MPRIP: variants seen among roughly 807,000 people sequenced by gnomAD.
The protein encoded by MPRIP is myosin phosphatase Rho-interacting protein.
MPRIP carries 59 observed loss-of-function variants against 234.9 expected under a neutral mutation model. The observed-to-expected ratio is 0.25, with a 90% CI of 0.20 to 0.31. MPRIP has a LOEUF of 0.31. MPRIP is among the 10% of genes least tolerant of loss of function. MPRIP has a pLI of 1.00. For synonymous variants in MPRIP, 1,144 were observed against 1,263.9 expected, an observed-to-expected ratio of 0.91 and a Z score of 2.01; for missense variants, 2,436 against 3,071.0, an observed-to-expected ratio of 0.79 and a Z score of 4.89.
Position 17,166,479 on chromosome 17 carries a change from G to A in MPRIP, c.4888G>A (p.Glu1630Lys), listed in dbSNP as rs966897511. The A allele has an allele frequency of 1.5e-6, 2 of 1,304,212 alleles. No individual in the cohort carries two copies. The highest frequency in any genetic ancestry group is 1.5e-5 in the African/African-American group (1 of 65,882). 80.8% of individuals were successfully genotyped at this position (1,304,212 alleles called of 1,614,324 possible). Residue 1630 changes from glutamate (E) to lysine (K), a missense_variant, in exon 16 of 24, where the codon GAG (glutamate) becomes AAG (lysine). By Grantham distance (56) the Glu-to-Lys change is moderately conservative. Transcript: ENST00000651222. The surrounding 1 kb of genome is among the most constrained non-coding windows in gnomAD (Gnocchi z 4.4). ...GGATGGTGAGTTCTGGAGCCAGGTT[G>A]AGTCTCTGAGGAAGCACTTGGGGAC... is the stretch of plus-strand genomic sequence containing the variant. ...LVDGEFWSQV[E>K]SLRKHLGTLG...
chr17:17,103,441 G>A (rs1199629718), intron 3 of MPRIP, among the ~76,000 whole-genome samples: 1 of 152,222 alleles, frequency 6.6e-6, no homozygotes, highest in Non-Finnish European at 1.5e-5. Context: ...CTAATTGGAG[G>A]TCCTGGTGGA....
chr17:17,123,792 G>GT (rs536846062), intron 3 of MPRIP, among the ~76,000 whole-genome samples: 83 of 151,642 alleles, frequency 5.5e-4, no homozygotes, highest in Non-Finnish European at 9.7e-4. Context: ...AGAGCAGGAA[G>GT]TTTTTTTTCC....
At chr17:17,143,201 C>T (rs1193704660) in intron 8 of MPRIP, among the ~76,000 whole-genome samples, 2 of 152,352 alleles carry the variant, frequency 1.3e-5, no homozygotes, top group African/African-American at 2.4e-5. Context: ...CCTGGCTTCT[C>T]TCTTGTTCAC....
chr17:17,057,849 G>A (rs1481957936), intron 1 of MPRIP: 2 of 596,332 alleles, frequency 3.4e-6, no homozygotes, highest in Non-Finnish European at 6.0e-6. Context: ...AATACTTGCA[G>A]TAATATTTTT....
chr17:17,139,850 G>C (rs1264537597), intron 7 of MPRIP, among the ~76,000 whole-genome samples: 1 of 152,202 alleles, frequency 6.6e-6, no homozygotes. Flanking sequence ...CCCCTGCCTA[G>C]TGCCCCAGGG....
chr17:17,180,734 G>T, intron 23 of MPRIP: 2 of 1,471,848 alleles, frequency 1.4e-6, no homozygotes, highest in Non-Finnish European at 1.9e-6. Flanking sequence ...CCTGTGTCAT[G>T]GTTACTTTAT....
At chr17:17,170,560 C>A (rs2046110866) in intron 16 of MPRIP, among the ~76,000 whole-genome samples, 1 of 152,200 alleles carries the variant, frequency 6.6e-6, no homozygotes, top group Non-Finnish European at 1.5e-5. Flanking sequence ...AGAAAAATGC[C>A]CAGGCATGCT....
At position 17,159,131 on chromosome 17, in the gene MPRIP, G is replaced by C. The variant is rs2045806356; in HGVS notation, c.2400+129G>C. ...GCGAGGGACTTGCAGACCCCTAGGGGAGACAGACGCATAGATGAGTCCTCA... is the reference window on the plus strand; with the variant it reads ...GCGAGGGACTTGCAGACCCCTAGGGCAGACAGACGCATAGATGAGTCCTCA... On this transcript the variant is annotated intron_variant, in intron 14 of 23. Transcript: ENST00000651222. The C allele has an allele frequency of 4.3e-6, 4 of 933,590 alleles. No homozygotes were observed. The Admixed American group carries it at 1.1e-4, about 26-fold the overall frequency. 57.8% of individuals were successfully genotyped at this position (933,590 alleles called of 1,614,324 possible).
chr17:17,125,981 A>G (rs978242346), intron 3 of MPRIP, among the ~76,000 whole-genome samples: 1 of 152,236 alleles, frequency 6.6e-6, no homozygotes, highest in Non-Finnish European at 1.5e-5. Context: ...GAAAGAGGCC[A>G]GAGGGTACAG....
intron 8 of MPRIP, 116 bp downstream of exon 8, chr17:17,142,881 T>C: frequency 3.5e-6 from 4 of 1,145,456 alleles, no homozygotes; most frequent in Non-Finnish European, 4.9e-6. Context: ...CAGGCTTCTC[T>C]CCAACCACCT....
chr17:17,122,414 C>T (rs1437694940), intron 3 of MPRIP, among the ~76,000 whole-genome samples: 1 of 152,164 alleles, frequency 6.6e-6, no homozygotes, highest in African/African-American at 2.4e-5. Flanking sequence ...AGTGCAGTGG[C>T]GCAATCTCGG....
chr17:17,134,713 C>T (rs888359301), intron 5 of MPRIP, among the ~76,000 whole-genome samples: 1 of 152,246 alleles, frequency 6.6e-6, no homozygotes, highest in Non-Finnish European at 1.5e-5. Context: ...CTTCCTGCTT[C>T]TGGAGCACGT....
At chr17:17,120,708 TCAAA>T (rs2090372698) in intron 3 of MPRIP, among the ~76,000 whole-genome samples, 1 of 152,066 alleles carries the variant, frequency 6.6e-6, no homozygotes, top group Non-Finnish European at 1.5e-5. Flanking sequence ...GGAAAATGAA[TCAAA>T]CAAAACTAGG....
chr17:17,135,951 A>C (rs890897431), intron 5 of MPRIP, among the ~76,000 whole-genome samples: 3 of 152,204 alleles, frequency 2.0e-5, no homozygotes, highest in Non-Finnish European at 4.4e-5. Flanking sequence ...GTAAGGAGCT[A>C]CAGATGATGC....
At chr17:17,050,505 A>G (rs2088505057) in intron 1 of MPRIP, among the ~76,000 whole-genome samples, 1 of 152,098 alleles carries the variant, frequency 6.6e-6, no homozygotes, top group Non-Finnish European at 1.5e-5. Flanking sequence ...CGCTGCCCGC[A>G]GTCCTGGTGG....
intron 3 of MPRIP, among the ~76,000 whole-genome samples, chr17:17,118,193 G>C (rs1231036314): frequency 6.6e-6 from 1 of 152,240 alleles, no homozygotes; most frequent in African/African-American, 2.4e-5. Context: ...GTCATGGGGT[G>C]GTCTCCCGGC....
intron 18 of MPRIP, 39 bp from the exon 19 acceptor site, chr17:17,173,877 C>G: frequency 1.9e-6 from 3 of 1,612,730 alleles, no homozygotes; most frequent in Non-Finnish European, 2.5e-6. Flanking sequence ...AGGCCTTGTC[C>G]AGAAGCAGGC....
rs1344519777 is a variant in MPRIP at position 17,171,834 on chromosome 17, C to A, written c.6441C>A (p.Leu2147=). The change falls in exon 17 of 24, where the codon CTC becomes CTA. Residue 2147 remains leucine, a synonymous_variant. Coordinates refer to ENST00000651222, the MANE Select transcript of MPRIP (RefSeq NM_001364716.4). ...AACTTCGAGAAGAGAAAGACCGCCTCCTAGCCGAGGAGACAGCGGCCACCA... is the reference window on the plus strand; with the variant it reads ...AACTTCGAGAAGAGAAAGACCGCCTACTAGCCGAGGAGACAGCGGCCACCA... The part of the protein sequence containing the change: ...LEKLREEKDR[L]LAEETAATIS... The A allele has an allele frequency of 6.2e-7, 1 of 1,613,426 alleles. No homozygotes were observed. The highest frequency in any genetic ancestry group is 1.3e-5 in the African/African-American group (1 of 74,960).
rs537424405 is a variant in MPRIP, at chr17:17,139,332, G to A, written c.1250+903G>A. Among the ~76,000 whole-genome samples the A allele has an allele frequency of 1.6e-4, 25 of 152,348 alleles. 1 individual carries two copies. The East Asian group carries it at 2.1e-3, about 13-fold the overall frequency. ...GCAGGGTTCCTCAGCCAGGTTTATG[G>A]ATAGACTTACAGACTTCTGGAGGTC... On this transcript the variant is annotated intron_variant, in intron 7 of 23. Coordinates refer to ENST00000651222, the MANE Select transcript of MPRIP (RefSeq NM_001364716.4).
Sources: allele counts gnomAD v4.1 joint callset (sites outside exome capture counted in the v4.1 genomes callset), GRCh38; gene constraint gnomAD v4.1.1; non-coding constraint Gnocchi (gnomAD v3.1); transcripts MANE v1.5; gene names NCBI Gene and HGNC (gene_info 2026-07-23, HGNC 2026-07-21).